Variants in EDIL3 observed in about 807,000 individuals in gnomAD.
EDIL3 encodes the protein EGF-like repeat and discoidin I-like domain-containing protein 3.
EDIL3 carries 37 observed loss-of-function variants against 67.4 expected under a neutral mutation model. The observed-to-expected ratio is 0.55, with a 90% CI of 0.42 to 0.72. The LOEUF (loss-of-function observed/expected upper bound fraction) is 0.72. Among genes scored for constraint, EDIL3 ranks in the 30% least tolerant of loss-of-function variants. The pLI is 0.00. For missense variants in EDIL3, 527 were observed against 586.3 expected, an observed-to-expected ratio of 0.90 and a Z score of 1.04; for synonymous variants, 195 against 196.3, an observed-to-expected ratio of 0.99 and a Z score of 0.05.
intron 9 of EDIL3, among the ~76,000 whole-genome samples, chr5:83,980,051 A>C (rs1051891517): frequency 2.6e-5 from 4 of 152,122 alleles, no homozygotes; most frequent in African/African-American, 9.6e-5. Flanking sequence ...AACCAATAAC[A>C]TCAATGCACA....
At chr5:84,053,761 G>C (rs189950815) in intron 9 of EDIL3, among the ~76,000 whole-genome samples, 2,654 of 152,270 alleles carry the variant, frequency 0.017, 72 homozygotes, top group African/African-American at 0.06. Flanking sequence ...AAACCAGGAA[G>C]AAGTTGAATC....
At position 83,963,363 on chromosome 5, in the gene EDIL3, T is replaced by G. The variant is rs773145193; in HGVS notation, c.1138-3A>C. 132 of 1,585,254 alleles carry G rather than the reference T, an allele frequency of 8.3e-5. No homozygotes were observed. The highest frequency in any genetic ancestry group is 1.0e-4 in the South Asian group (9 of 86,278). On this transcript the variant is annotated splice_polypyrimidine_tract_variant and splice_region_variant and intron_variant, in intron 9 of 10. Coordinates refer to ENST00000296591, the MANE Select transcript of EDIL3 (RefSeq NM_005711.5). Reference sequence around the variant, plus strand: ...TTGGTTGGAACAAGAAGATCCACCTTAAAAAAAAGAAAAATACAGGCTTTA... The same window carrying G: ...TTGGTTGGAACAAGAAGATCCACCTGAAAAAAAAGAAAAATACAGGCTTTA...
chr5:84,072,199 G>C (rs1746751919), intron 6 of EDIL3, among the ~76,000 whole-genome samples: 1 of 151,884 alleles, frequency 6.6e-6, no homozygotes, highest in African/African-American at 2.4e-5. Context: ...ATGACAAATG[G>C]GGATTAAACT....
chr5:84,183,769 G>T (rs2112360608), intron 3 of EDIL3, among the ~76,000 whole-genome samples: 1 of 152,274 alleles, frequency 6.6e-6, no homozygotes, highest in East Asian at 1.9e-4. Context: ...AATAGAAAAT[G>T]ACTGAAACAG....
intron 1 of EDIL3, among the ~76,000 whole-genome samples, chr5:84,283,030 C>T (rs72776594): frequency 1.4e-4 from 21 of 151,840 alleles, no homozygotes; most frequent in Non-Finnish European, 1.9e-4. Flanking sequence ...AAATAAAATG[C>T]ATCTATTTCT....
intron 5 of EDIL3, among the ~76,000 whole-genome samples, chr5:84,107,473 GACA>G (rs1389330708): frequency 1.3e-5 from 2 of 151,434 alleles, no homozygotes; most frequent in Admixed American, 6.6e-5. Context: ...TAAACTCTCT[GACA>G]ACATTATACA....
At chr5:84,294,899 A>G (rs188856275) in intron 1 of EDIL3, among the ~76,000 whole-genome samples, 21 of 152,328 alleles carry the variant, frequency 1.4e-4, no homozygotes, top group African/African-American at 5.1e-4. Context: ...GCCCTACTTC[A>G]TCAACAACAA....
At chr5:84,208,734 A>G (rs1455473940) in intron 3 of EDIL3, among the ~76,000 whole-genome samples, 6 of 149,338 alleles carry the variant, frequency 4.0e-5, no homozygotes, top group South Asian at 4.3e-4. Flanking sequence ...AACAGGTGCT[A>G]GAGAGGATGT....
chr5:83,985,217 T>G (rs1420647617), intron 9 of EDIL3, among the ~76,000 whole-genome samples: 1 of 151,852 alleles, frequency 6.6e-6, no homozygotes, highest in Non-Finnish European at 1.5e-5. Flanking sequence ...AAATCACAAA[T>G]AAGTATAATT....
chr5:84,320,002 G>A (rs552285553), intron 1 of EDIL3, among the ~76,000 whole-genome samples: 1 of 152,136 alleles, frequency 6.6e-6, no homozygotes, highest in South Asian at 2.1e-4. Context: ...GGCCTGTCAG[G>A]GGGTGGGTGC....
At chr5:84,206,187 G>A (rs1263765687) in intron 3 of EDIL3, among the ~76,000 whole-genome samples, 1 of 152,088 alleles carries the variant, frequency 6.6e-6, no homozygotes, top group African/African-American at 2.4e-5. Flanking sequence ...AGTCATTCAG[G>A]AGCAGGTTGT....
intron 1 of EDIL3, among the ~76,000 whole-genome samples, chr5:84,326,926 A>G (rs1207515532): frequency 6.6e-6 from 1 of 151,834 alleles, no homozygotes; most frequent in African/African-American, 2.4e-5. Flanking sequence ...GCTACAATCT[A>G]ATTTTTAGAT....
intron 10 of EDIL3, among the ~76,000 whole-genome samples, chr5:83,956,610 C>T (rs1215406579): frequency 6.6e-6 from 1 of 151,764 alleles, no homozygotes; most frequent in Non-Finnish European, 1.5e-5. Flanking sequence ...TTTCCTGATA[C>T]ATTTCATTCT....
chr5:84,033,612 G>A (rs1397271868), intron 9 of EDIL3, among the ~76,000 whole-genome samples: 1 of 151,224 alleles, frequency 6.6e-6, no homozygotes, highest in Admixed American at 6.6e-5. Flanking sequence ...GTTGAGGTGG[G>A]AGGATGGTCT....
intron 2 of EDIL3, among the ~76,000 whole-genome samples, chr5:84,249,838 T>C (rs1189601411): frequency 6.6e-6 from 1 of 152,136 alleles, no homozygotes; most frequent in Non-Finnish European, 1.5e-5. Context: ...CTCATGCCTG[T>C]AATCCCAGCA....
intron 2 of EDIL3, among the ~76,000 whole-genome samples, chr5:84,232,921 T>A (rs957182642): frequency 1.3e-5 from 2 of 152,194 alleles, no homozygotes; most frequent in Non-Finnish European, 2.9e-5. Context: ...GCCTTATTAA[T>A]GACATTTCTG....
intron 4 of EDIL3, among the ~76,000 whole-genome samples, chr5:84,164,371 T>C (rs1164570620): frequency 6.6e-6 from 1 of 152,088 alleles, no homozygotes; most frequent in Non-Finnish European, 1.5e-5. Flanking sequence ...TCCTTGAATT[T>C]AAATAAAATA....
rs1404388646 is a variant in EDIL3 at position 84,384,476 on chromosome 5, A to G, written c.-102T>C. 5 of 1,116,414 alleles carry G rather than the reference A, an allele frequency of 4.5e-6. No individual in the cohort carries two copies. The highest frequency in any genetic ancestry group is 2.1e-5 in the Admixed American group (1 of 48,348). 69.2% of individuals were successfully genotyped at this position (1,116,414 alleles called of 1,614,324 possible). The stretch of plus-strand genomic sequence containing the variant: ...GGCAGCAGCAGACTCCGCCCCTACT[A>G]AAGAATTCAAGAAGACGTTCTCTTT... On this transcript the variant is annotated 5_prime_UTR_variant, in exon 1 of 11. Coordinates refer to ENST00000296591, the MANE Select transcript of EDIL3 (RefSeq NM_005711.5).
At chr5:84,104,377 CTAAAA>C (rs946184580) in intron 6 of EDIL3, among the ~76,000 whole-genome samples, 19 of 148,490 alleles carry the variant, frequency 1.3e-4, no homozygotes, top group Admixed American at 4.0e-4. Context: ...ACCCCTGAAC[CTAAAA>C]TAAAAGTTTC....
Sources: gnomAD v4.1 joint callset for allele counts (sites outside exome capture counted in the v4.1 genomes callset) on GRCh38, gnomAD v4.1.1 for gene constraint, MANE v1.5 for transcripts, NCBI Gene and HGNC (gene_info 2026-07-23, HGNC 2026-07-21) for gene names.